The following ANO6 variants were observed in gnomAD, a reference collection of about 807,000 sequenced individuals.
ANO6 encodes the protein anoctamin 6, also known as anoctamin-6.
ANO6 carries 106 observed loss-of-function variants against 117.5 expected under a neutral mutation model. That is an observed-to-expected ratio of 0.90 (90% CI 0.77 to 1.06). The LOEUF (loss-of-function observed/expected upper bound fraction) is 1.06, where lower values mean the gene tolerates loss of function less well. Among genes scored for constraint, ANO6 ranks in the 50% least tolerant of loss-of-function variants. The pLI, the probability that ANO6 is intolerant of heterozygous loss-of-function variation, is 0.00. For synonymous variants in ANO6, 367 were observed against 385.1 expected (o/e 0.95, Z 0.55); for missense variants, 955 against 1,121.1 (o/e 0.85, Z 2.12).
intron 3 of ANO6, among the ~76,000 whole-genome samples, chr12:45,332,975 T>C (rs1238202056): frequency 6.6e-6 from 1 of 152,004 alleles, no homozygotes; most frequent in Non-Finnish European, 1.5e-5. Context: ...TTTTTCTTTT[T>C]TATGTTTGAC....
chr12:45,423,709 T>G (rs975860421), intron 19 of ANO6, among the ~76,000 whole-genome samples: 2 of 152,220 alleles, frequency 1.3e-5, no homozygotes, highest in Non-Finnish European at 2.9e-5. Context: ...ATGGAAGCAG[T>G]CTATCCAATT....
chr12:45,333,841 A>T (rs1203089440), intron 3 of ANO6, among the ~76,000 whole-genome samples: 1 of 152,060 alleles, frequency 6.6e-6, no homozygotes, highest in Non-Finnish European at 1.5e-5. Flanking sequence ...TACCAAGGAA[A>T]GGCAATTCAA....
In ANO6 at chr12:45,409,345, T is replaced by A; in HGVS notation, c.1881-12T>A. On this transcript the variant is annotated splice_polypyrimidine_tract_variant and intron_variant, in intron 15 of 19. Coordinates refer to ENST00000320560, the MANE Select transcript of ANO6 (RefSeq NM_001025356.3). Reference sequence around the variant, plus strand: ...ATATTCGTTCTAATTTATAAATTGTTCTTTTTGGCAGCTGGATCATGAATC... The same window carrying A: ...ATATTCGTTCTAATTTATAAATTGTACTTTTTGGCAGCTGGATCATGAATC... The A allele has an allele frequency of 6.2e-7, 1 of 1,613,838 alleles. No individual in the cohort carries two copies. The highest frequency in any genetic ancestry group is 8.5e-7 in the Non-Finnish European group (1 of 1,179,804).
At chr12:45,262,152 T>C (rs1472296134) in intron 1 of ANO6, among the ~76,000 whole-genome samples, 2 of 152,150 alleles carry the variant, frequency 1.3e-5, no homozygotes, top group Admixed American at 6.5e-5. Flanking sequence ...ACCCCAACAC[T>C]ACCCCTCAAA....
chr12:45,429,002 G>T lies in ANO6; in HGVS notation c.2527-103G>T, dbSNP rs1054472383. ...TGGTTGTGTGTGTAAAATGTCCACT[G>T]CCTTGTCCAGATAAACTGCCATAAT... On this transcript the variant is annotated intron_variant, in intron 19 of 19. Coordinates refer to ENST00000320560, the MANE Select transcript of ANO6 (RefSeq NM_001025356.3). 4.9e-6 allele frequency: 7 copies of T among 1,424,134 alleles called. No homozygotes were observed. The African/African-American group carries it at 8.5e-5, about 17-fold the overall frequency. 88.2% of individuals were successfully genotyped at this position (1,424,134 alleles called of 1,614,324 possible). A position where few individuals can be genotyped will look rare whatever the true frequency, so the allele number is the denominator to read the frequency against.
At chr12:45,387,520 G>A (rs1593049376) in intron 10 of ANO6, among the ~76,000 whole-genome samples, 2 of 152,124 alleles carry the variant, frequency 1.3e-5, no homozygotes, top group African/African-American at 4.8e-5. Flanking sequence ...ATAAGGTGCT[G>A]GAACATATGC....
intron 1 of ANO6, among the ~76,000 whole-genome samples, chr12:45,229,895 G>A (rs934607809): frequency 2.2e-4 from 29 of 132,936 alleles, no homozygotes; most frequent in African/African-American, 8.2e-4. Flanking sequence ...AAGATGGAAC[G>A]AATGTTAGAA....
chr12:45,385,660 C>T (rs574027579), intron 10 of ANO6, among the ~76,000 whole-genome samples: 1 of 152,180 alleles, frequency 6.6e-6, no homozygotes, highest in South Asian at 2.1e-4. Flanking sequence ...GACATGGTGC[C>T]CTCTAGATTT....
intron 1 of ANO6, among the ~76,000 whole-genome samples, chr12:45,276,773 G>T (rs908050696): frequency 2.6e-5 from 4 of 152,170 alleles, no homozygotes; most frequent in Non-Finnish European, 5.9e-5. Flanking sequence ...TATAGTAGGT[G>T]CCAGAACAGT....
chr12:45,405,118 C>T (rs943089138), intron 15 of ANO6, among the ~76,000 whole-genome samples: 12 of 151,670 alleles, frequency 7.9e-5, no homozygotes, highest in African/African-American at 2.2e-4. Flanking sequence ...TATCCTACTC[C>T]GGAGAAAACA....
chr12:45,383,934 T>TTGAC (rs1216224198), intron 10 of ANO6, among the ~76,000 whole-genome samples: 2 of 152,242 alleles, frequency 1.3e-5, no homozygotes, highest in Non-Finnish European at 2.9e-5. Context: ...AAGCCAGGCG[T>TTGAC]TGACTTCTCT....
intron 1 of ANO6, among the ~76,000 whole-genome samples, chr12:45,220,702 GGTAA>G (rs1947382773): frequency 6.6e-6 from 1 of 152,180 alleles, no homozygotes; most frequent in Non-Finnish European, 1.5e-5. Flanking sequence ...TTTTCAAAGT[GGTAA>G]GTGTCTTTTT....
At chr12:45,426,507 C>T (rs11183030) in intron 19 of ANO6, among the ~76,000 whole-genome samples, 1 of 152,022 alleles carries the variant, frequency 6.6e-6, no homozygotes, top group Non-Finnish European at 1.5e-5. Context: ...GCTTTCACCC[C>T]CTCCACTTCA....
intron 1 of ANO6, among the ~76,000 whole-genome samples, chr12:45,239,447 C>T (rs1318613163): frequency 6.6e-6 from 1 of 151,770 alleles, no homozygotes; most frequent in Admixed American, 6.6e-5. Context: ...CTTGATTAGT[C>T]TTGCTAGCGG....
In ANO6 at chr12:45,429,214, A is replaced by G. The variant is rs368589420; in HGVS notation, c.2636A>G (p.His879Arg). 20 of 1,613,894 alleles carry G rather than the reference A, an allele frequency of 1.2e-5. No homozygotes were observed. In the African/African-American group the frequency reaches 2.5e-4, roughly 20 times the overall value. ...REKYLTQKLL[H>R]ENHLKDMTKN... ...AAATACCTAACCCAAAAGCTTCTTC[A>G]TGAGAATCACCTCAAAGATATGACG... The change falls in exon 20 of 20, where the codon CAT becomes CGT. Residue 879 changes from histidine to arginine, a missense_variant. Physicochemically the swap from His to Arg is conservative, Grantham distance 29 (BLOSUM62 0). Transcript: ENST00000320560.
chr12:45,373,120 A>C (rs1941895347), intron 9 of ANO6, among the ~76,000 whole-genome samples: 1 of 152,168 alleles, frequency 6.6e-6, no homozygotes, highest in African/African-American at 2.4e-5. Context: ...AAAGAAGGCC[A>C]TTACATAATG....
intron 8 of ANO6, among the ~76,000 whole-genome samples, chr12:45,360,545 C>T (rs966328156): frequency 6.6e-6 from 1 of 152,214 alleles, no homozygotes; most frequent in African/African-American, 2.4e-5. Flanking sequence ...AAAATATTTT[C>T]TCCCATTCTA....
intron 1 of ANO6, among the ~76,000 whole-genome samples, chr12:45,239,671 C>T (rs1026468527): frequency 1.3e-5 from 2 of 152,142 alleles, no homozygotes; most frequent in Non-Finnish European, 2.9e-5. Flanking sequence ...CCTGCTTTCT[C>T]TTGTGGGCAT....
chr12:45,239,487 A>G (rs1947703064), intron 1 of ANO6, among the ~76,000 whole-genome samples: 1 of 144,830 alleles, frequency 6.9e-6, no homozygotes, highest in Non-Finnish European at 1.5e-5. Context: ...TTTTCAGAAA[A>G]CCAGCTCCTG....
Sources: allele counts gnomAD v4.1 joint callset (sites outside exome capture counted in the v4.1 genomes callset), GRCh38; gene constraint gnomAD v4.1.1; transcripts MANE v1.5; gene names NCBI Gene and HGNC (gene_info 2026-07-23, HGNC 2026-07-21).